ZNF273: variants seen among roughly 807,000 people sequenced by gnomAD.
ZNF273 encodes the protein zinc finger protein 9.
In ZNF273, 11 loss-of-function variants were observed where a neutral mutation model predicts 14.9. The observed-to-expected ratio is 0.74, with a 90% CI of 0.46 to 1.22. ZNF273 has a LOEUF of 1.22. ZNF273 is among the 50% of genes most tolerant of loss of function. The probability of loss-of-function intolerance (pLI) is 0.00; values close to 1 mark genes in which losing one functional copy is unlikely to be tolerated. For synonymous variants in ZNF273, 199 were observed against 223.9 expected, an observed-to-expected ratio of 0.89 and a Z score of 0.99; for missense variants, 577 against 660.6, an observed-to-expected ratio of 0.87 and a Z score of 1.39.
intron 3 of ZNF273, among the ~76,000 whole-genome samples, chr7:64,918,760 A>C (rs1050619549): frequency 2.0e-5 from 3 of 150,080 alleles, no homozygotes. Context: ...CTTTGCTCTC[A>C]CATAGGAGCA....
At chr7:64,923,831 T>A (rs1794641402) in intron 3 of ZNF273, 1 of 152,870 alleles carries the variant, frequency 6.5e-6, no homozygotes, top group Non-Finnish European at 1.5e-5. Context: ...TTTTTTTTTT[T>A]ACCTTTATAC....
At chr7:64,902,609 G>A (rs1792797829), upstream of ZNF273, among the ~76,000 whole-genome samples, 7 of 152,218 alleles carry the variant, frequency 4.6e-5, no homozygotes, top group South Asian at 1.4e-3. Context: ...GGCTGAGGCA[G>A]GAGAATCGCT....
At chr7:64,915,540 T>A (rs1439754400) in intron 1 of ZNF273, among the ~76,000 whole-genome samples, 1 of 152,252 alleles carries the variant, frequency 6.6e-6, no homozygotes, top group Non-Finnish European at 1.5e-5. Context: ...CAGGAGCACG[T>A]CCTGAAGGCA....
At chr7:64,933,508 C>G (rs1795032859), downstream of ZNF273, 1 of 152,140 alleles carries the variant, frequency 6.6e-6, no homozygotes, top group African/African-American at 2.4e-5. Flanking sequence ...TCTTTCATAC[C>G]ATTACCATCT....
intron 1 of ZNF273, among the ~76,000 whole-genome samples, chr7:64,912,435 AG>A (rs1184892039): frequency 1.3e-5 from 2 of 152,176 alleles, no homozygotes; most frequent in African/African-American, 4.8e-5. Context: ...GTCTCTTCAT[AG>A]GTTTCTAAGA....
intron 1 of ZNF273, among the ~76,000 whole-genome samples, chr7:64,910,586 G>T (rs1458629279): frequency 6.6e-6 from 1 of 151,396 alleles, no homozygotes; most frequent in Non-Finnish European, 1.5e-5. Context: ...GGTAACTGTA[G>T]CCTGGTAGTA....
downstream of ZNF273, among the ~76,000 whole-genome samples, chr7:64,880,870 A>G (rs538126515): frequency 5.9e-5 from 9 of 151,970 alleles, no homozygotes; most frequent in Admixed American, 3.3e-4. Context: ...ATCCGCCTCG[A>G]TTTTGGTTCT....
downstream of ZNF273, among the ~76,000 whole-genome samples, chr7:64,891,954 T>A (rs1285982924): frequency 6.6e-6 from 1 of 152,180 alleles, no homozygotes; most frequent in Non-Finnish European, 1.5e-5. Flanking sequence ...CTTAGGAAGC[T>A]CCATGTTGCA....
At chr7:64,888,032 G>A (rs1791704788) in intron 1 of ZNF273, among the ~76,000 whole-genome samples, 1 of 152,110 alleles carries the variant, frequency 6.6e-6, no homozygotes, top group South Asian at 2.1e-4. Flanking sequence ...AGAAGTCCCA[G>A]CCCCAATGCT....
intron 3 of ZNF273, among the ~76,000 whole-genome samples, chr7:64,919,312 T>C (rs2129086047): frequency 6.6e-6 from 1 of 152,334 alleles, no homozygotes. Flanking sequence ...AAAATATTTT[T>C]AAGTTTATTT....
intron 1 of ZNF273, 108 bp downstream of exon 1, chr7:64,903,527 C>T: frequency 8.7e-7 from 1 of 1,147,270 alleles, no homozygotes; most frequent in Non-Finnish European, 1.3e-6. Context: ...CTCCAAAATC[C>T]GCGGCCAGGA....
chr7:64,899,493 A>G (rs946700421), upstream of ZNF273, among the ~76,000 whole-genome samples: 25 of 152,076 alleles, frequency 1.6e-4, no homozygotes, highest in Admixed American at 7.2e-4. Context: ...CATTTCTACT[A>G]AAAACACAAG....
At chr7:64,881,884 GC>G (rs1228525100), downstream of ZNF273, among the ~76,000 whole-genome samples, 15 of 152,174 alleles carry the variant, frequency 9.9e-5, no homozygotes, top group Non-Finnish European at 1.5e-4. Context: ...GATCCACAGT[GC>G]CCCTCAGCAG....
At chr7:64,936,772 T>C in the ZNF273 span, among the ~76,000 whole-genome samples, 2 of 152,244 alleles carry the variant, frequency 1.3e-5, no homozygotes, top group Non-Finnish European at 2.9e-5. Flanking sequence ...TGCACACAAG[T>C]GCTACTCAAA....
At chr7:64,892,361 T>C (rs1792086944), downstream of ZNF273, among the ~76,000 whole-genome samples, 2 of 152,042 alleles carry the variant, frequency 1.3e-5, no homozygotes, top group African/African-American at 4.8e-5. Flanking sequence ...CAACAGTGCT[T>C]GGCTCATAGT....
intron 1 of ZNF273, chr7:64,878,022 C>A: frequency 6.6e-6 from 1 of 152,000 alleles, no homozygotes; most frequent in South Asian, 2.1e-4. Flanking sequence ...GTGTGTGTGT[C>A]GGTGTGGGTG....
downstream of ZNF273, among the ~76,000 whole-genome samples, chr7:64,883,217 C>CCCG (rs1554378893): frequency 1.4e-5 from 2 of 143,506 alleles, no homozygotes; most frequent in East Asian, 4.4e-4. Context: ...AATCACCACC[C>CCCG]CCCCCTCACC....
chr7:64,894,956 C>G (rs1583970254), intron 3 of ZNF273, among the ~76,000 whole-genome samples: 1 of 146,034 alleles, frequency 6.8e-6, no homozygotes, highest in East Asian at 2.0e-4. Context: ...AGTGAAACCC[C>G]GTCTCTACTA....
upstream of ZNF273, among the ~76,000 whole-genome samples, chr7:64,902,945 G>A (rs188770006): frequency 6.6e-6 from 1 of 152,294 alleles, no homozygotes; most frequent in East Asian, 1.9e-4. Flanking sequence ...ATAGCTTAGT[G>A]ATTTTGGGGC....
Sources: allele counts gnomAD v4.1 joint callset (sites outside exome capture counted in the v4.1 genomes callset), GRCh38; gene constraint gnomAD v4.1.1; transcripts MANE v1.5; gene names NCBI Gene and HGNC (gene_info 2026-07-23, HGNC 2026-07-21).